Variants in ANO3 observed in about 807,000 individuals in gnomAD.
ANO3 encodes the protein anoctamin-3.
In ANO3, 99 loss-of-function variants were observed where a neutral mutation model predicts 144.8. The ratio of observed to expected loss-of-function variants is 0.68; its 90% CI spans 0.58 to 0.81. ANO3 has a LOEUF of 0.81. ANO3 is among the 30% of genes least tolerant of loss of function. The pLI is 0.00. For missense variants in ANO3, 905 were observed against 1,202.2 expected (o/e 0.75, Z 3.66); for synonymous variants, 414 against 392.6 (o/e 1.05, Z -0.64).
chr11:26,273,055 A>G (rs1446945679), intron 1 of ANO3, among the ~76,000 whole-genome samples: 1 of 152,114 alleles, frequency 6.6e-6, no homozygotes, highest in African/African-American at 2.4e-5. Flanking sequence ...CTATAAATAT[A>G]AAGCTGCTAA....
chr11:26,244,974 G>GGTGTGTGTGT (rs61543573), intron 1 of ANO3, among the ~76,000 whole-genome samples: 21 of 121,636 alleles, frequency 1.7e-4, no homozygotes, highest in East Asian at 9.4e-4. Flanking sequence ...CTGGTCTCCT[G>GGTGTGTGTGT]GTGTGTGTGT....
chr11:26,464,867 AT>A (rs1859541110), intron 4 of ANO3, among the ~76,000 whole-genome samples: 1 of 151,726 alleles, frequency 6.6e-6, no homozygotes, highest in South Asian at 2.1e-4. Flanking sequence ...ACTTTTATCC[AT>A]TTTATAGTTT....
chr11:26,245,368 A>C (rs1004037035), intron 1 of ANO3, among the ~76,000 whole-genome samples: 1 of 152,214 alleles, frequency 6.6e-6, no homozygotes, highest in African/African-American at 2.4e-5. Context: ...ACAAAATTTT[A>C]ACCAATACTT....
chr11:26,240,644 G>A (rs764170661), intron 1 of ANO3, among the ~76,000 whole-genome samples: 5 of 151,984 alleles, frequency 3.3e-5, no homozygotes, highest in African/African-American at 1.2e-4. Context: ...ATACTGTTCG[G>A]TTTTTTACTT....
chr11:26,379,385 G>A (rs1020079210), intron 1 of ANO3, among the ~76,000 whole-genome samples: 1 of 152,154 alleles, frequency 6.6e-6, no homozygotes, highest in Non-Finnish European at 1.5e-5. Context: ...CTCTGTGAAG[G>A]ATAGAGTGTA....
chr11:26,519,085 G>T (rs1433684981), intron 6 of ANO3, among the ~76,000 whole-genome samples: 1 of 152,148 alleles, frequency 6.6e-6, no homozygotes, highest in South Asian at 2.1e-4. Flanking sequence ...CCTTCATCCT[G>T]CCCCATCCTA....
At chr11:26,557,119 T>G (rs1298786962) in intron 13 of ANO3, among the ~76,000 whole-genome samples, 1 of 152,136 alleles carries the variant, frequency 6.6e-6, no homozygotes, top group East Asian at 1.9e-4. Context: ...AATCAAGCTT[T>G]TAGGCTAAGT....
chr11:26,529,162 A>G (rs1301857944), intron 7 of ANO3, among the ~76,000 whole-genome samples: 6 of 4,348 alleles, frequency 1.4e-3, no homozygotes, highest in Non-Finnish European at 2.8e-3. Flanking sequence ...TATATTATAT[A>G]TAATATATAT....
At chr11:26,438,673 G>T (rs966446728) in intron 1 of ANO3, among the ~76,000 whole-genome samples, 2 of 151,364 alleles carry the variant, frequency 1.3e-5, no homozygotes, top group Non-Finnish European at 2.9e-5. Context: ...AGCTACTCGG[G>T]GGGCTGGGGC....
At chr11:26,400,588 C>T (rs1418107636) in intron 1 of ANO3, among the ~76,000 whole-genome samples, 2 of 151,742 alleles carry the variant, frequency 1.3e-5, no homozygotes, top group East Asian at 3.9e-4. Flanking sequence ...TAACATGATG[C>T]TCTTTATTCC....
At position 26,660,470 on chromosome 11, in the gene ANO3, G is replaced by A; in HGVS notation, c.*26G>A. ...TTGACACCTGTTACCCATTAGGGGT[G>A]ATAACATTAATGGGAAGAAATGATG... On this transcript the variant is annotated 3_prime_UTR_variant, in exon 27 of 27. Transcript: ENST00000256737. 6.4e-7 allele frequency: 1 copy of A among 1,570,714 alleles called. No individual in the cohort carries two copies. Among genetic ancestry groups the A allele is most frequent in the South Asian group, 1.2e-5 (1 of 82,568 alleles).
chr11:26,217,577 T>C (rs1852059274), intron 1 of ANO3, among the ~76,000 whole-genome samples: 2 of 152,092 alleles, frequency 1.3e-5, no homozygotes, highest in Non-Finnish European at 2.9e-5. Context: ...GTCTCATTTT[T>C]GCTATCTACA....
chr11:26,598,411 C>T lies in ANO3; in HGVS notation c.1494C>T (p.Thr498=). ...GGAAAAGGAGAAGGAGTATACTGAC[C>T]TATACTTGGGACCTTATCGAATGGG... ...EFWKRRRSIL[T]YTWDLIEWEE... The change falls in exon 15 of 27, where the codon ACC becomes ACT. Residue 498 remains threonine (T), a synonymous_variant. Transcript: ENST00000256737. 6.3e-7 allele frequency: 1 copy of T among 1,592,982 alleles called. No homozygotes were observed. Among genetic ancestry groups the T allele is most frequent in the Non-Finnish European group, 8.5e-7 (1 of 1,170,860 alleles).
intron 1 of ANO3, among the ~76,000 whole-genome samples, chr11:26,270,200 C>T (rs1382788209): frequency 1.3e-5 from 2 of 152,194 alleles, no homozygotes; most frequent in African/African-American, 4.8e-5. Flanking sequence ...GTTCTAGACC[C>T]TCTCCACTAC....
intron 14 of ANO3, among the ~76,000 whole-genome samples, chr11:26,593,808 C>A (rs938902657): frequency 4.6e-5 from 7 of 152,128 alleles, no homozygotes; most frequent in African/African-American, 1.7e-4. Flanking sequence ...TGTTCCAGAG[C>A]CTCCAAAGTC....
chr11:26,438,689 A>G (rs1858397540), intron 1 of ANO3, among the ~76,000 whole-genome samples: 1 of 151,222 alleles, frequency 6.6e-6, no homozygotes, highest in South Asian at 2.1e-4. Flanking sequence ...GGGGCAGGAA[A>G]GTGGCTTGAA....
chr11:26,570,214 A>G (rs1311657798), intron 14 of ANO3, among the ~76,000 whole-genome samples: 1 of 152,110 alleles, frequency 6.6e-6, no homozygotes, highest in Non-Finnish European at 1.5e-5. Flanking sequence ...CTACAGAGGG[A>G]GAATGAACAC....
chr11:26,313,756 G>A (rs990853750), intron 1 of ANO3, among the ~76,000 whole-genome samples: 2 of 151,720 alleles, frequency 1.3e-5, no homozygotes, highest in Admixed American at 6.6e-5. Context: ...TAGATTATGT[G>A]TAAGTACTGG....
rs377372408 is a variant in ANO3 at position 26,502,108 on chromosome 11, A to G, written c.433-5996A>G. On this transcript the variant is annotated intron_variant, in intron 4 of 26. Transcript: ENST00000256737. Reference sequence around the variant, plus strand: ...CACATCAATGCCATTTGCATTACTTATCTGTTTCCAACTGTCTTTGTCCTG... The same window carrying G: ...CACATCAATGCCATTTGCATTACTTGTCTGTTTCCAACTGTCTTTGTCCTG... Among the ~76,000 whole-genome samples the G allele has an allele frequency of 3.3e-5, 5 of 152,298 alleles. No individual in the cohort carries two copies. In the East Asian group the frequency reaches 9.6e-4, roughly 29 times the overall value.
Sources: allele counts gnomAD v4.1 joint callset (sites outside exome capture counted in the v4.1 genomes callset), GRCh38; gene constraint gnomAD v4.1.1; transcripts MANE v1.5; gene names NCBI Gene and HGNC (gene_info 2026-07-23, HGNC 2026-07-21).